The following PECAM1 variants were observed in gnomAD, a reference collection of about 807,000 sequenced individuals.
The protein encoded by PECAM1 is platelet endothelial cell adhesion molecule.
A neutral mutation model predicts 13.8 loss-of-function variants in PECAM1; 8 were observed. The ratio of observed to expected loss-of-function variants is 0.58; its 90% CI spans 0.34 to 1.05. The LOEUF is 1.05. Among genes scored for constraint, PECAM1 ranks in the 50% least tolerant of loss-of-function variants. The pLI is 0.03. For missense variants in PECAM1, 304 were observed against 141.2 expected (o/e 2.15, Z -5.84); for synonymous variants, 136 against 52.6 (o/e 2.58, Z -6.86).
At chr17:64,343,251 C>T (rs1403358146) in intron 13 of PECAM1, among the ~76,000 whole-genome samples, 7 of 152,114 alleles carry the variant, frequency 4.6e-5, no homozygotes, top group African/African-American at 1.7e-4. Flanking sequence ...TCCAGGGACA[C>T]CCCACTCTCA....
intron 14 of PECAM1, among the ~76,000 whole-genome samples, chr17:64,337,816 C>T (rs2035320388): frequency 6.6e-6 from 1 of 152,024 alleles, no homozygotes; most frequent in Admixed American, 6.6e-5. Flanking sequence ...ACAAAATATG[C>T]CCCTTTGGCA....
intron 13 of PECAM1, among the ~76,000 whole-genome samples, chr17:64,343,007 A>G (rs2035473545): frequency 6.6e-6 from 1 of 152,042 alleles, no homozygotes; most frequent in African/African-American, 2.4e-5. Context: ...AACAGGATGG[A>G]ACCTGGCCAC....
At chr17:64,334,221 C>G (rs1484353498) in intron 14 of PECAM1, among the ~76,000 whole-genome samples, 1 of 152,042 alleles carries the variant, frequency 6.6e-6, no homozygotes, top group East Asian at 1.9e-4. Context: ...AAACTCAAGT[C>G]CCCCGGGCCA....
chr17:64,323,314 T>TG lies in PECAM1; in HGVS notation c.*501dup. The TG allele has an allele frequency of 7.9e-6, 8 of 1,006,692 alleles. No individual in the cohort carries two copies. The highest frequency in any genetic ancestry group is 8.3e-6 in the Non-Finnish European group (7 of 842,340). The allele number at this position is 1,006,692 out of a possible 1,614,324, so 62.4% of individuals were successfully genotyped here. Reference sequence around the variant, plus strand: ...ATAGAGGGGACAGGGGGAGGCTGTCTGGTCAGCACTGTGTATTTCCAAAGA... The same window carrying TG: ...ATAGAGGGGACAGGGGGAGGCTGTCTGGGTCAGCACTGTGTATTTCCAAAGA... On this transcript the variant is annotated 3_prime_UTR_variant, in exon 16 of 16. Coordinates refer to ENST00000563924, the MANE Select transcript of PECAM1 (RefSeq NM_000442.5).
chr17:64,323,907 G>A (rs781994915), intron 15 of PECAM1, 62 bp from the exon 16 acceptor site: 1 of 790,168 alleles, frequency 1.3e-6, no homozygotes, highest in Non-Finnish European at 2.3e-6. Context: ...GATTGCCCTG[G>A]TGGAGAGAAA....
chr17:64,338,827 G>A (rs950911769), intron 14 of PECAM1, among the ~76,000 whole-genome samples: 4,900 of 152,242 alleles, frequency 0.032, 275 homozygotes, highest in African/African-American at 0.11. Flanking sequence ...CCAAAGTGCT[G>A]GGATTACAGG....
At chr17:64,389,323 A>G (rs2036666863) in intron 2 of PECAM1, among the ~76,000 whole-genome samples, 2 of 152,216 alleles carry the variant, frequency 1.3e-5, no homozygotes. Context: ...CCGGGACACT[A>G]CTGAGCCCCC....
intron 13 of PECAM1, among the ~76,000 whole-genome samples, chr17:64,346,122 C>G (rs1260270554): frequency 1.3e-5 from 2 of 152,190 alleles, no homozygotes; most frequent in African/African-American, 4.8e-5. Flanking sequence ...GCCTGCCTGG[C>G]TAGGTGGATG....
chr17:64,375,964 T>C (rs1161420490), intron 3 of PECAM1, among the ~76,000 whole-genome samples: 1 of 151,990 alleles, frequency 6.6e-6, no homozygotes. Context: ...GATAAAAGAC[T>C]ACACACTGGG....
At chr17:64,345,521 T>C (rs1598013290) in intron 13 of PECAM1, among the ~76,000 whole-genome samples, 1 of 151,932 alleles carries the variant, frequency 6.6e-6, no homozygotes, top group Non-Finnish European at 1.5e-5. Context: ...GAGACCAGCC[T>C]GGCCAACATG....
rs932176150 is a variant in PECAM1 at position 64,390,811 on chromosome 17, A to G, written c.-146T>C. 1.5e-5 allele frequency: 6 copies of G among 397,654 alleles called. No homozygotes were observed. In the Admixed American group the frequency reaches 1.8e-4, roughly 12 times the overall value. The allele number at this position is 397,654 out of a possible 1,614,324, so 24.6% of individuals were successfully genotyped here. Reference sequence around the variant, plus strand: ...TGGTCACTTCTCCCGGCGCCTGCAGAGAGACCGGCTGTGGCGCTGGTCAGG... The same window carrying G: ...TGGTCACTTCTCCCGGCGCCTGCAGGGAGACCGGCTGTGGCGCTGGTCAGG... On this transcript the variant is annotated 5_prime_UTR_variant, in exon 1 of 16. Coordinates refer to ENST00000563924, the MANE Select transcript of PECAM1 (RefSeq NM_000442.5).
At chr17:64,365,888 A>G (rs2036093041) in intron 5 of PECAM1, among the ~76,000 whole-genome samples, 1 of 150,246 alleles carries the variant, frequency 6.7e-6, no homozygotes, top group African/African-American at 2.4e-5. Flanking sequence ...AAACCTAGGC[A>G]TTACCATTCA....
chr17:64,389,739 C>G (rs1299878783), intron 2 of PECAM1, among the ~76,000 whole-genome samples: 2 of 152,066 alleles, frequency 1.3e-5, no homozygotes, highest in Non-Finnish European at 2.9e-5. Flanking sequence ...CAAAAAACAG[C>G]AATGCACTGA....
chr17:64,376,182 G>GT, intron 3 of PECAM1, among the ~76,000 whole-genome samples: 1 of 152,174 alleles, frequency 6.6e-6, no homozygotes, highest in South Asian at 2.1e-4. Flanking sequence ...GCAGGCACCT[G>GT]TAATCCCAGC....
In PECAM1 at chr17:64,352,399, T is replaced by C; in HGVS notation, c.1981A>G (p.Ser661Gly). ...KMSDPNMEAN[S>G]HYGHNDDVRN... ...GAGAACATGACTTTACCGTAATGACTGTTAGCTTCCATATTGGGATCTGAC... is the reference window on the plus strand; with the variant it reads ...GAGAACATGACTTTACCGTAATGACCGTTAGCTTCCATATTGGGATCTGAC... Residue 661 changes from serine (S) to glycine (G), a missense_variant, in exon 11 of 16, where the codon AGT becomes GGT. Coordinates refer to ENST00000563924, the MANE Select transcript of PECAM1 (RefSeq NM_000442.5). 1 of 475,262 alleles carries C rather than the reference T, an allele frequency of 2.1e-6. No individual in the cohort carries two copies. Among genetic ancestry groups the C allele is most frequent in the East Asian group, 3.1e-5 (1 of 32,028 alleles). 29.4% of individuals were successfully genotyped at this position (475,262 alleles called of 1,614,324 possible). A position where few individuals can be genotyped will look rare whatever the true frequency, so the allele number is the denominator to read the frequency against.
chr17:64,346,880 T>C (rs2035582124), intron 13 of PECAM1, among the ~76,000 whole-genome samples: 1 of 152,192 alleles, frequency 6.6e-6, no homozygotes, highest in African/African-American at 2.4e-5. Context: ...TCCCTCTAAA[T>C]GGCAAAGCAC....
chr17:64,322,770 C>G lies in PECAM1; in HGVS notation c.*1046G>C, dbSNP rs921360487. 2.6e-5 allele frequency: 21 copies of G among 797,866 alleles called. No individual in the cohort carries two copies. In the African/African-American group the frequency reaches 3.3e-4, roughly 13 times the overall value. The allele number at this position is 797,866 out of a possible 1,614,324, so 49.4% of individuals were successfully genotyped here. A position where few individuals can be genotyped will look rare whatever the true frequency, so the allele number is the denominator to read the frequency against. On this transcript the variant is annotated 3_prime_UTR_variant, in exon 16 of 16. Transcript: ENST00000563924. ...TCACTCTGTCACTCAGGCTGGAGTGCAGTGGCGCGATCTCCGCTCACTACA... is the reference window on the plus strand; with the variant it reads ...TCACTCTGTCACTCAGGCTGGAGTGGAGTGGCGCGATCTCCGCTCACTACA...
intron 14 of PECAM1, among the ~76,000 whole-genome samples, chr17:64,333,675 TA>T (rs1246858113): frequency 6.8e-5 from 10 of 146,066 alleles, no homozygotes; most frequent in African/African-American, 1.5e-4. Context: ...TTGTAAAAAG[TA>T]AAAAAAAAAG....
chr17:64,351,764 T>C (rs6416939), intron 11 of PECAM1, among the ~76,000 whole-genome samples: 62,813 of 151,988 alleles, frequency 0.41, 14,362 homozygotes, highest in South Asian at 0.58. Context: ...GGGACAGGAC[T>C]TTTTGTGATG....
Sources: allele counts gnomAD v4.1 joint callset (sites outside exome capture counted in the v4.1 genomes callset), GRCh38; gene constraint gnomAD v4.1.1; transcripts MANE v1.5; gene names NCBI Gene and HGNC (gene_info 2026-07-23, HGNC 2026-07-21).